CNKSR3: variants seen among roughly 807,000 people sequenced by gnomAD.
CNKSR3 encodes connector enhancer of kinase suppressor of ras 3.
In CNKSR3, 36 loss-of-function variants were observed where a neutral mutation model predicts 67.7. The ratio of observed to expected loss-of-function variants is 0.53; its 90% confidence interval spans 0.41 to 0.70. The LOEUF (loss-of-function observed/expected upper bound fraction) is 0.70. Ranked by LOEUF, CNKSR3 falls within the 30% of genes least tolerant of loss-of-function variation. The probability of loss-of-function intolerance (pLI) is 0.00; values close to 1 mark genes in which losing one functional copy is unlikely to be tolerated. For synonymous variants in CNKSR3, 281 were observed against 271.4 expected, an observed-to-expected ratio of 1.04 and a Z score of -0.35; for missense variants, 630 against 695.2, an observed-to-expected ratio of 0.91 and a Z score of 1.05.
intron 1 of CNKSR3, among the ~76,000 whole-genome samples, chr6:154,460,520 A>G (rs532345751): frequency 6.6e-6 from 1 of 152,318 alleles, no homozygotes; most frequent in African/African-American, 2.4e-5. Flanking sequence ...TCTGGTAAAC[A>G]TGTACTTTCC....
In CNKSR3 at chr6:154,401,985, A is replaced by G. The variant is rs1479901983; in HGVS notation, c.*4369T>C. 1.3e-5 allele frequency: 2 copies of G among 152,232 alleles called. No homozygotes were observed. The highest frequency in any genetic ancestry group is 1.3e-4 in the Admixed American group (2 of 15,282). 9.4% of individuals were successfully genotyped at this position (152,232 alleles called of 1,614,324 possible). On this transcript the variant is annotated 3_prime_UTR_variant, in exon 13 of 13. Coordinates refer to ENST00000607772, the MANE Select transcript of CNKSR3 (RefSeq NM_173515.4). ...CTTCCAGGGAAAAAATTAAAAAAAG[A>G]AAGCCCACAAAATAGATTCTGAAAT...
At chr6:154,479,607 C>G (rs559221816) in intron 1 of CNKSR3, among the ~76,000 whole-genome samples, 1 of 152,160 alleles carries the variant, frequency 6.6e-6, no homozygotes, top group Non-Finnish European at 1.5e-5. Flanking sequence ...CAAGGACTGA[C>G]AATAATTACT....
chr6:154,407,512 T>C (rs1784820960), intron 12 of CNKSR3, among the ~76,000 whole-genome samples: 1 of 152,206 alleles, frequency 6.6e-6, no homozygotes, highest in Admixed American at 6.5e-5. Context: ...ATGCTTATTT[T>C]TATTTTTTGA....
chr6:154,414,453 G>C (rs368820941), intron 9 of CNKSR3, 30 bp from the exon 10 acceptor site: 8 of 1,564,548 alleles, frequency 5.1e-6, no homozygotes, highest in Non-Finnish European at 6.9e-6. Flanking sequence ...GCAATGCAAA[G>C]AGTGGAGATC....
chr6:154,432,753 T>G (rs1785394314), intron 5 of CNKSR3, among the ~76,000 whole-genome samples: 1 of 152,242 alleles, frequency 6.6e-6, no homozygotes, highest in South Asian at 2.1e-4. Context: ...CCCTATTAAG[T>G]GGTCTCCTTA....
intron 1 of CNKSR3, among the ~76,000 whole-genome samples, chr6:154,471,107 C>G (rs1289244855): frequency 6.6e-6 from 1 of 152,174 alleles, no homozygotes; most frequent in Admixed American, 6.5e-5. Context: ...AGACAGTATT[C>G]CCAAACTTCA....
intron 1 of CNKSR3, among the ~76,000 whole-genome samples, chr6:154,487,608 CAG>C (rs1786701646): frequency 6.6e-6 from 1 of 152,240 alleles, no homozygotes; most frequent in Non-Finnish European, 1.5e-5. Context: ...CCAGCCCCAA[CAG>C]AGACAGGAAG....
intron 1 of CNKSR3, among the ~76,000 whole-genome samples, chr6:154,451,733 GGAA>G (rs61281401): frequency 0.13 from 19,604 of 152,098 alleles, 1,351 homozygotes; most frequent in East Asian, 0.14. Flanking sequence ...ATAAGATACA[GGAA>G]GAAGAGTAGT....
At chr6:154,482,544 G>A (rs1306336319) in intron 1 of CNKSR3, among the ~76,000 whole-genome samples, 1 of 152,184 alleles carries the variant, frequency 6.6e-6, no homozygotes, top group African/African-American at 2.4e-5. Context: ...GTGATGCAGA[G>A]AAATCGTTAA....
At chr6:154,483,201 G>T (rs937646999) in intron 1 of CNKSR3, among the ~76,000 whole-genome samples, 2 of 152,256 alleles carry the variant, frequency 1.3e-5, no homozygotes, top group South Asian at 2.1e-4. Context: ...CTAGGCCACT[G>T]AGCCTCTAGG....
intron 4 of CNKSR3, among the ~76,000 whole-genome samples, chr6:154,435,159 C>A (rs1446418422): frequency 3.3e-5 from 5 of 152,076 alleles, no homozygotes; most frequent in Non-Finnish European, 5.9e-5. Context: ...CCACACCTGG[C>A]TAATTTTTGT....
intron 1 of CNKSR3, among the ~76,000 whole-genome samples, chr6:154,450,972 C>G (rs1286548034): frequency 1.3e-5 from 2 of 152,156 alleles, no homozygotes; most frequent in African/African-American, 2.4e-5. Context: ...ATACTTCTAG[C>G]CCTAGAATAT....
intron 1 of CNKSR3, among the ~76,000 whole-genome samples, chr6:154,486,557 A>G (rs1164461583): frequency 6.1e-5 from 9 of 147,692 alleles, no homozygotes; most frequent in South Asian, 4.2e-4. Flanking sequence ...CAATGGCACG[A>G]TCTTGGCTCA....
In CNKSR3 at chr6:154,406,631, T is replaced by C. The variant is rs773807786; in HGVS notation, c.1391A>G (p.Tyr464Cys). The C allele has an allele frequency of 2.2e-5, 35 of 1,612,920 alleles. No individual in the cohort carries two copies. The highest frequency in any genetic ancestry group is 1.7e-5 in the Admixed American group (1 of 59,966). Reference sequence around the variant, plus strand: ...CGGAGGAATCCGCTCGTTACTGAAATACCGGCAAAGGGCATCCTCCCCTGT... The same window carrying C: ...CGGAGGAATCCGCTCGTTACTGAAACACCGGCAAAGGGCATCCTCCCCTGT... ...GRKGEDALCR[Y>C]FSNERIPPII... Residue 464 changes from tyrosine (Y) to cysteine (C), a missense_variant, in exon 13 of 13, where the codon TAT becomes TGT. By Grantham distance (194) the Tyr-to-Cys change is radical. Transcript: ENST00000607772.
chr6:154,508,166 G>A (rs566738903), intron 1 of CNKSR3, among the ~76,000 whole-genome samples: 2 of 152,300 alleles, frequency 1.3e-5, no homozygotes, highest in African/African-American at 2.4e-5. Flanking sequence ...CCACAAATGT[G>A]AGCCCTGTGT....
At chr6:154,448,996 G>A (rs148648123) in intron 2 of CNKSR3, among the ~76,000 whole-genome samples, 10 of 152,184 alleles carry the variant, frequency 6.6e-5, no homozygotes, top group South Asian at 2.1e-4. Flanking sequence ...GCCTGGCACC[G>A]GGACAGGCAG....
At chr6:154,408,134 C>T (rs1288701109) in intron 12 of CNKSR3, among the ~76,000 whole-genome samples, 2 of 152,180 alleles carry the variant, frequency 1.3e-5, no homozygotes, top group African/African-American at 4.8e-5. Context: ...AAGAGATTCT[C>T]CTGCCTCAGC....
intron 12 of CNKSR3, 141 bp from the exon 13 acceptor site, chr6:154,406,793 C>G: frequency 5.7e-6 from 4 of 706,744 alleles, no homozygotes; most frequent in Non-Finnish European, 9.3e-6. Context: ...CATGGTGAAA[C>G]CCCGTCTCTA....
In CNKSR3 at chr6:154,411,102, A is replaced by G. The variant is rs1584052174; in HGVS notation, c.1111T>C (p.Cys371Arg). 1 of 1,613,882 alleles carries G rather than the reference A, an allele frequency of 6.2e-7. No homozygotes were observed. The highest frequency in any genetic ancestry group is 1.1e-5 in the South Asian group (1 of 91,060). The change falls in exon 11 of 13, where the codon TGC becomes CGC. Residue 371 changes from cysteine (C) to arginine (R), a missense_variant. By Grantham distance (180) the Cys-to-Arg change is radical (BLOSUM62 -3). This residue lies in a region of CNKSR3 where 308 missense variants were observed against 299.6 expected (regional missense o/e 1.03). Coordinates refer to ENST00000607772, the MANE Select transcript of CNKSR3 (RefSeq NM_173515.4). ...TTAGGACCAGGCAATGGTTGTTTGC[A>G]CTTACTGGACCCTCCATAAACAAAA... ...GSFVYGGSSK[C>R]KQPLPGPKGS...
Sources: gnomAD v4.1 joint callset for allele counts (sites outside exome capture counted in the v4.1 genomes callset) on GRCh38, gnomAD v4.1.1 for gene constraint, gnomAD v4.1.1 regional missense constraint, MANE v1.5 for transcripts, NCBI Gene and HGNC (gene_info 2026-07-23, HGNC 2026-07-21) for gene names.